Variants in UVSSA observed in about 807,000 individuals in gnomAD.
UVSSA encodes UV stimulated scaffold protein A.
In UVSSA, 72 loss-of-function variants were observed where a neutral mutation model predicts 73.9. That is an observed-to-expected ratio of 0.97 (90% CI 0.81 to 1.19). The LOEUF (loss-of-function observed/expected upper bound fraction) is 1.19, where lower values mean the gene tolerates loss of function less well. Among genes scored for constraint, UVSSA ranks in the 50% most tolerant of loss-of-function variants. UVSSA has a pLI of 0.00. For synonymous variants in UVSSA, 454 were observed against 391.3 expected (o/e 1.16, Z -1.89); for missense variants, 1,150 against 965.0 (o/e 1.19, Z -2.54).
At chr4:1,355,505 G>C (rs1190624624) in intron 7 of UVSSA, among the ~76,000 whole-genome samples, 2 of 152,220 alleles carry the variant, frequency 1.3e-5, no homozygotes, top group Non-Finnish European at 2.9e-5. Context: ...GCTGAGTGCT[G>C]TGCGCGCCTC....
chr4:1,354,598 G>GA, intron 5 of UVSSA, 137 bp from the exon 6 acceptor site: 1 of 681,796 alleles, frequency 1.5e-6, no homozygotes, highest in Non-Finnish European at 2.6e-6. Context: ...TCAGGTTTGG[G>GA]ATTCCCGGGG....
chr4:1,382,232 C>G (rs773521815), intron 12 of UVSSA, among the ~76,000 whole-genome samples: 25 of 152,362 alleles, frequency 1.6e-4, no homozygotes, highest in Non-Finnish European at 3.1e-4. Context: ...CACTCAGGAG[C>G]AAATTAAGTG....
upstream of UVSSA, among the ~76,000 whole-genome samples, chr4:1,344,040 C>CT (rs143830793): frequency 7.1e-3 from 1,038 of 145,838 alleles, 14 homozygotes; most frequent in African/African-American, 0.023. Flanking sequence ...TTTCTTCTGG[C>CT]TTTTTTTTTT....
chr4:1,362,139 T>C (rs1716735239), intron 7 of UVSSA, among the ~76,000 whole-genome samples: 1 of 152,246 alleles, frequency 6.6e-6, no homozygotes, highest in African/African-American at 2.4e-5. Flanking sequence ...TGTTTAATTA[T>C]GATCGTGGAG....
chr4:1,346,807 C>T (rs1223729473), upstream of UVSSA, among the ~76,000 whole-genome samples: 1 of 152,188 alleles, frequency 6.6e-6, no homozygotes, highest in African/African-American at 2.4e-5. Context: ...AGTTTCCCGG[C>T]CGGCCCCGCC....
At position 1,376,024 on chromosome 4, in the gene UVSSA, G is replaced by C. The variant is rs200160928; in HGVS notation, c.1434-10G>C. 9 of 1,586,436 alleles carry C rather than the reference G, an allele frequency of 5.7e-6. No homozygotes were observed. In the East Asian group the frequency reaches 2.1e-4, roughly 37 times the overall value. ...CAGCACCGTCAGGCTGTCCCACTCT[G>C]CTCCTGTAGCCCCTCCAGAGCGTTG... On this transcript the variant is annotated splice_polypyrimidine_tract_variant and intron_variant, in intron 9 of 13. Coordinates refer to ENST00000389851, the MANE Select transcript of UVSSA (RefSeq NM_020894.4).
In UVSSA at chr4:1,395,491, G is replaced by A. The variant is rs754239942; in HGVS notation, c.*9530G>A. ...TGCCCGCCTGCTCACACGTGCCATT[G>A]TGGAGTGCCCGCCTGCTCACACACA... On this transcript the variant is annotated 3_prime_UTR_variant, in exon 14 of 14. Transcript: ENST00000511216. 5 of 1,546,434 alleles carry A rather than the reference G, an allele frequency of 3.2e-6. No individual in the cohort carries two copies. The highest frequency in any genetic ancestry group is 4.4e-6 in the Non-Finnish European group (5 of 1,144,194).
At chr4:1,352,361 G>T (rs1714910016) in intron 4 of UVSSA, among the ~76,000 whole-genome samples, 1 of 152,170 alleles carries the variant, frequency 6.6e-6, no homozygotes, top group African/African-American at 2.4e-5. Context: ...GACAGACTGT[G>T]GTCCCAGGTG....
At chr4:1,351,552 A>G (rs1050602980) in intron 3 of UVSSA, among the ~76,000 whole-genome samples, 163 bp from the exon 4 acceptor site, 1 of 138,434 alleles carries the variant, frequency 7.2e-6, no homozygotes, top group Non-Finnish European at 1.6e-5. Context: ...CGCCTGGCTA[A>G]TTTTTTTTTT....
chr4:1,382,512 T>C (rs1368226795), intron 12 of UVSSA, among the ~76,000 whole-genome samples: 1 of 152,230 alleles, frequency 6.6e-6, no homozygotes, highest in Non-Finnish European at 1.5e-5. Context: ...CTATTGATTT[T>C]CCTCAAAGGC....
chr4:1,379,571 T>A (rs1447906070), intron 10 of UVSSA, among the ~76,000 whole-genome samples: 1 of 152,198 alleles, frequency 6.6e-6, no homozygotes, highest in African/African-American at 2.4e-5. Context: ...TGAACGGCCT[T>A]CACTCCTTCT....
chr4:1,349,058 T>G lies in UVSSA; in HGVS notation c.99-466T>G, dbSNP rs79710582. Reference sequence around the variant, plus strand: ...GCGGTGTGTGTTTGTGCCGGGCGGTTGGCGTTTGTGCCGGGCGGTGGGCGT... The same window carrying G: ...GCGGTGTGTGTTTGTGCCGGGCGGTGGGCGTTTGTGCCGGGCGGTGGGCGT... On this transcript the variant is annotated intron_variant, in intron 2 of 13. Transcript: ENST00000389851. Among the ~76,000 whole-genome samples, 445 of 55,184 alleles carry G rather than the reference T, an allele frequency of 8.1e-3. 3 individuals carry two copies. Among genetic ancestry groups the G allele is most frequent in the South Asian group, 0.034 (89 of 2,642 alleles). The allele number at this position is 55,184 out of a possible 152,430, so 36.2% of individuals were successfully genotyped here.
At chr4:1,378,405 T>C (rs1442089955) in intron 10 of UVSSA, among the ~76,000 whole-genome samples, 1 of 152,138 alleles carries the variant, frequency 6.6e-6, no homozygotes, top group African/African-American at 2.4e-5. Flanking sequence ...ATATAAAAAT[T>C]AGCCGGGCGT....
rs779583119 is a variant in UVSSA at position 1,375,344 on chromosome 4, T to C, written c.1289-20T>C. 6 of 1,611,406 alleles carry C rather than the reference T, an allele frequency of 3.7e-6. No individual in the cohort carries two copies. The East Asian group carries it at 8.9e-5, about 24-fold the overall frequency. On this transcript the variant is annotated intron_variant, in intron 8 of 13. Coordinates refer to ENST00000389851, the MANE Select transcript of UVSSA (RefSeq NM_020894.4). ...GGGTTGTGGGAGTGGTGGCAGGGAGTGGACACGTGTCTGTTTCAGGGCTGG... is the reference window on the plus strand; with the variant it reads ...GGGTTGTGGGAGTGGTGGCAGGGAGCGGACACGTGTCTGTTTCAGGGCTGG...
chr4:1,365,294 C>G (rs958507069), intron 7 of UVSSA, among the ~76,000 whole-genome samples: 1 of 152,204 alleles, frequency 6.6e-6, no homozygotes, highest in African/African-American at 2.4e-5. Flanking sequence ...ACAGAGCAGG[C>G]CTGCCTGGGC....
At chr4:1,385,604 G>A in intron 13 of UVSSA, 1 of 510,556 alleles carries the variant, frequency 2.0e-6, no homozygotes. Context: ...GTGGGGCTGG[G>A]GCCACCTTCA....
chr4:1,372,707 GAGCACTCATCTCCTGCTACTC>G (rs1287774751), intron 8 of UVSSA, among the ~76,000 whole-genome samples: 4 of 77,872 alleles, frequency 5.1e-5, no homozygotes, highest in African/African-American at 3.4e-4. Flanking sequence ...CCGCATCTCA[GAGCACTCATCTCCTGCTACTC>G]AGCACTCACC....
chr4:1,385,643 G>A (rs1240062284), intron 13 of UVSSA: 11 of 575,932 alleles, frequency 1.9e-5, no homozygotes, highest in South Asian at 8.1e-5. Flanking sequence ...CGCAGACTCC[G>A]CTTCTGGGAC....
intron 3 of UVSSA, among the ~76,000 whole-genome samples, chr4:1,350,282 T>G (rs1201948905): frequency 6.6e-6 from 1 of 152,176 alleles, no homozygotes; most frequent in Non-Finnish European, 1.5e-5. Flanking sequence ...CCTGGCATGA[T>G]GAAACCCACC....
Sources: allele counts gnomAD v4.1 joint callset (sites outside exome capture counted in the v4.1 genomes callset), GRCh38; gene constraint gnomAD v4.1.1; transcripts MANE v1.5; gene names NCBI Gene and HGNC (gene_info 2026-07-23, HGNC 2026-07-21).